The following CEL variants were observed in gnomAD, a reference collection of about 807,000 sequenced individuals.
The protein encoded by CEL is carboxyl ester lipase, also known as bile salt-activated lipase.
In CEL, 39 loss-of-function variants were observed where a neutral mutation model predicts 57.1. That is an observed-to-expected ratio of 0.68 (90% CI 0.53 to 0.89). The LOEUF (loss-of-function observed/expected upper bound fraction) is 0.89. CEL is among the 40% of genes least tolerant of loss of function. The pLI, the probability that CEL is intolerant of heterozygous loss-of-function variation, is 0.00. For synonymous variants in CEL, 314 were observed against 396.6 expected (o/e 0.79, Z 2.48); for missense variants, 698 against 915.0 (o/e 0.76, Z 3.06).
rs1830186302 is a variant in CEL at position 133,066,905 on chromosome 9, C to G, written c.737C>G (p.Pro246Arg). 1 of 1,603,308 alleles carries G rather than the reference C, an allele frequency of 6.2e-7. No homozygotes were observed. Among genetic ancestry groups the G allele is most frequent in the Non-Finnish European group, 8.5e-7 (1 of 1,174,540 alleles). ...AISQSGVALS[P>R]WVIQKNPLFW... is the part of the protein sequence containing the mutation. ...AGCCAGAGCGGCGTGGCCCTGAGTC[C>G]CTGGGTCATCCAGAAAAACCCACTC... is the stretch of plus-strand genomic sequence containing the variant. Residue 246 changes from proline to arginine, a missense_variant, in exon 6 of 11, where the codon CCC becomes CGC. Coordinates refer to ENST00000372080, the MANE Select transcript of CEL (RefSeq NM_001807.6). This position sits in a 1 kb window ranked among gnomAD's most constrained non-coding sequence, Gnocchi z 4.3.
rs750593486 is a variant in CEL at position 133,071,757 on chromosome 9, G to A, written c.2255G>A (p.Arg752Lys). ...SKEAQMPAVI[R>K]F Reference sequence around the variant, plus strand: ...GAAGCTCAGATGCCTGCAGTCATTAGGTTTTAGCGTCCCATGAGCCTTGGT... The same window carrying A: ...GAAGCTCAGATGCCTGCAGTCATTAAGTTTTAGCGTCCCATGAGCCTTGGT... The change falls in exon 11 of 11, where the codon AGG becomes AAG. Residue 752 changes from arginine (R) to lysine (K), a missense_variant. Transcript: ENST00000372080. 1 of 1,612,236 alleles carries A rather than the reference G, an allele frequency of 6.2e-7. No individual in the cohort carries two copies. The highest frequency in any genetic ancestry group is 8.5e-7 in the Non-Finnish European group (1 of 1,179,330).
chr9:133,066,670 T>A lies in CEL; in HGVS notation c.669+10T>A. On this transcript the variant is annotated intron_variant, in intron 5 of 10. Coordinates refer to ENST00000372080, the MANE Select transcript of CEL (RefSeq NM_001807.6). This position sits in a 1 kb window ranked among gnomAD's most constrained non-coding sequence, Gnocchi z 4.3. ...CAGCGTCTCTCTGCAGGTCTCGGGA[T>A]CCCTGTGGGGAGGGCCTGCCCCACA... 6.2e-7 allele frequency: 1 copy of A among 1,611,990 alleles called. No homozygotes were observed. The highest frequency in any genetic ancestry group is 8.5e-7 in the Non-Finnish European group (1 of 1,179,032).
rs1165973941 is a variant in CEL, at chr9:133,070,943, C to A, written c.1485-44C>A. 4 of 1,606,586 alleles carry A rather than the reference C, an allele frequency of 2.5e-6. No individual in the cohort carries two copies. The African/African-American group carries it at 5.4e-5, about 22-fold the overall frequency. ...CAGGTGGAGAGCAGGGCTTCAGCCC[C>A]CTGGGAGTCCCCAGCCCCTGCACAG... On this transcript the variant is annotated intron_variant, in intron 10 of 10. Coordinates refer to ENST00000372080, the MANE Select transcript of CEL (RefSeq NM_001807.6).
rs1417669823 is a variant in CEL, at chr9:133,066,099, A to C, written c.539-431A>C. Among the ~76,000 whole-genome samples, 1 of 152,162 alleles carries C rather than the reference A, an allele frequency of 6.6e-6. No homozygotes were observed. The highest frequency in any genetic ancestry group is 1.5e-5 in the Non-Finnish European group (1 of 68,020). On this transcript the variant is annotated intron_variant, in intron 4 of 10. Transcript: ENST00000372080. This position sits in a 1 kb window ranked among gnomAD's most constrained non-coding sequence, Gnocchi z 4.3. ...AACCAGGAGAGCAGAGCTGAGTGAGAGACAGAGAACAATACCTTGAGGCAG... is the reference window on the plus strand; with the variant it reads ...AACCAGGAGAGCAGAGCTGAGTGAGCGACAGAGAACAATACCTTGAGGCAG...
intron 10 of CEL, 91 bp downstream of exon 10, chr9:133,070,749 A>G: frequency 1.3e-6 from 2 of 1,557,804 alleles, no homozygotes; most frequent in Admixed American, 3.4e-5. Context: ...CAGTGGAGGG[A>G]CTTTGGGCAA....
At position 133,066,704 on chromosome 9, in the gene CEL, G is replaced by A; in HGVS notation, c.669+44G>A. 1 of 1,609,386 alleles carries A rather than the reference G, an allele frequency of 6.2e-7. No homozygotes were observed. The highest frequency in any genetic ancestry group is 8.5e-7 in the Non-Finnish European group (1 of 1,176,792). On this transcript the variant is annotated intron_variant, in intron 5 of 10. Coordinates refer to ENST00000372080, the MANE Select transcript of CEL (RefSeq NM_001807.6). This position sits in a 1 kb window ranked among gnomAD's most constrained non-coding sequence, Gnocchi z 4.3. The stretch of plus-strand genomic sequence containing the variant: ...GGAGGGCCTGCCCCACAGGTTGAGA[G>A]GAAGCTCAAACGGGAAGGGGAGGGT...
chr9:133,065,306 A>T, intron 4 of CEL, 69 bp downstream of exon 4: 1 of 1,555,162 alleles, frequency 6.4e-7, no homozygotes, highest in South Asian at 1.1e-5. Flanking sequence ...GATTTTCCTC[A>T]GCACCCCTCA....
chr9:133,065,268 G>A (rs1223941726), intron 4 of CEL, 31 bp downstream of exon 4: 35 of 1,607,400 alleles, frequency 2.2e-5, no homozygotes, highest in Non-Finnish European at 2.8e-5. Flanking sequence ...CTGAGGTGGG[G>A]CGACCAGCAT....
At chr9:133,067,800 A>T (rs1830204574) in intron 7 of CEL, among the ~76,000 whole-genome samples, 1 of 152,168 alleles carries the variant, frequency 6.6e-6, no homozygotes. Flanking sequence ...GGAGACTCAT[A>T]GACCTCAGAC....
intron 1 of CEL, among the ~76,000 whole-genome samples, chr9:133,063,355 T>C (rs1830122239): frequency 6.6e-6 from 1 of 152,190 alleles, no homozygotes; most frequent in African/African-American, 2.4e-5. Flanking sequence ...TCGCAGGGGA[T>C]GCCCACGATG....
intron 9 of CEL, among the ~76,000 whole-genome samples, chr9:133,070,131 C>A (rs1274352063): frequency 3.3e-5 from 5 of 150,120 alleles, no homozygotes; most frequent in Admixed American, 6.7e-5. Context: ...AAAAGGGAAA[C>A]AGTTGAGGGC....
chr9:133,070,480 T>C lies in CEL; in HGVS notation c.1306T>C (p.Tyr436His), dbSNP rs1830241886. The C allele has an allele frequency of 6.2e-7, 1 of 1,613,488 alleles. No individual in the cohort carries two copies. Among genetic ancestry groups the C allele is most frequent in the African/African-American group, 1.3e-5 (1 of 74,718 alleles). ...ANAKSAKTYAYLFSHPSRMPV... is the reference protein window; with the variant it reads ...ANAKSAKTYAHLFSHPSRMPV... ...CTCCAGGAGTGCCAAGACCTACGCC[T>C]ACCTGTTTTCCCATCCCTCTCGGAT... is the stretch of plus-strand genomic sequence containing the variant. The change falls in exon 10 of 11, where the codon TAC (tyrosine) becomes CAC (histidine). Residue 436 changes from tyrosine (Y) to histidine (H), a missense_variant. By Grantham distance (83) the Tyr-to-His change is moderately conservative. Transcript: ENST00000372080.
In CEL at chr9:133,065,238, G is replaced by T; in HGVS notation, c.538+1G>T. The T allele has an allele frequency of 6.2e-7, 1 of 1,612,554 alleles. No homozygotes were observed. The highest frequency in any genetic ancestry group is 8.5e-7 in the Non-Finnish European group (1 of 1,179,972). The stretch of plus-strand genomic sequence containing the variant: ...AGCACTGGGGACGCCAATCTGCCAG[G>T]TGCGTGGGTGCCTTCGGCCCTGAGG... On this transcript the variant is annotated splice_donor_variant, in intron 4 of 10. Transcript: ENST00000372080. LOFTEE classifies it high-confidence loss of function.
In CEL at chr9:133,067,157, C is replaced by T; in HGVS notation, c.847C>T (p.Pro283Ser). The T allele has an allele frequency of 6.2e-7, 1 of 1,614,020 alleles. No individual in the cohort carries two copies. Among genetic ancestry groups the T allele is most frequent in the Non-Finnish European group, 8.5e-7 (1 of 1,179,974 alleles). ...GGCCCAGTGTCTGAAGGTTACTGAT[C>T]CCCGAGCCCTGACGCTGGCCTATAA... is the stretch of plus-strand genomic sequence containing the variant. ...RMAQCLKVTD[P>S]RALTLAYKVP... is the part of the protein sequence containing the mutation. The change falls in exon 7 of 11, where the codon CCC becomes TCC. Residue 283 changes from proline to serine, a missense_variant. Around this residue, in one of 6 missense-constraint regions of CEL, gnomAD observed 327 missense variants for 374.1 expected, o/e 0.87. Coordinates refer to ENST00000372080, the MANE Select transcript of CEL (RefSeq NM_001807.6).
Position 133,066,520 on chromosome 9 carries a change from C to G in CEL, c.539-10C>G. 6.2e-7 allele frequency: 1 copy of G among 1,614,008 alleles called. No individual in the cohort carries two copies. Among genetic ancestry groups the G allele is most frequent in the Non-Finnish European group, 8.5e-7 (1 of 1,180,018 alleles). On this transcript the variant is annotated splice_polypyrimidine_tract_variant and intron_variant, in intron 4 of 10. Coordinates refer to ENST00000372080, the MANE Select transcript of CEL (RefSeq NM_001807.6). This position sits in a 1 kb window ranked among gnomAD's most constrained non-coding sequence, Gnocchi z 4.3. The stretch of plus-strand genomic sequence containing the variant: ...GGTCTCTAGCACCCCCTCCCCTGCC[C>G]TGCCCCCAGGTAACTATGGCCTTCG...
In CEL at chr9:133,070,989, A is replaced by G; in HGVS notation, c.1487A>G (p.Asp496Gly). The stretch of plus-strand genomic sequence containing the variant: ...CACAGCCTCTTCTCACTCTGCAGGG[A>G]CCCCAACATGGGCGACTCGGCTGTG... ...AYWTNFAKTG[D>G]PNMGDSAVPT... The change falls in exon 11 of 11, where the codon GAC (aspartate) becomes GGC (glycine). Residue 496 changes from aspartate to glycine, a missense_variant and splice_region_variant. By Grantham distance (94) the Asp-to-Gly change is moderately conservative. Around this residue, in one of 6 missense-constraint regions of CEL, gnomAD observed 111 missense variants for 147.3 expected, o/e 0.75. Transcript: ENST00000372080. 1 of 1,613,360 alleles carries G rather than the reference A, an allele frequency of 6.2e-7. No individual in the cohort carries two copies. The highest frequency in any genetic ancestry group is 8.5e-7 in the Non-Finnish European group (1 of 1,179,762).
chr9:133,070,301 C>T (rs1168364423), intron 9 of CEL, among the ~76,000 whole-genome samples, 160 bp from the exon 10 acceptor site: 1 of 147,792 alleles, frequency 6.8e-6, no homozygotes, highest in African/African-American at 2.5e-5. Context: ...GAATTTGGTT[C>T]TCAGCTTTCC....
Position 133,065,225 on chromosome 9 carries a change from G to A in CEL, c.526G>A (p.Ala176Thr), listed in dbSNP as rs746372103. The A allele has an allele frequency of 6.8e-6, 11 of 1,612,948 alleles. No homozygotes were observed. Among genetic ancestry groups the A allele is most frequent in the Admixed American group, 1.7e-5 (1 of 60,014 alleles). The change falls in exon 4 of 11, where the codon GCC becomes ACC. Residue 176 changes from alanine (A) to threonine (T), a missense_variant. Ala to Thr is a moderately conservative substitution (Grantham distance 58, BLOSUM62 0). Transcript: ENST00000372080. ...CCTTGGGTTCCTCAGCACTGGGGACGCCAATCTGCCAGGTGCGTGGGTGCC... is the reference window on the plus strand; with the variant it reads ...CCTTGGGTTCCTCAGCACTGGGGACACCAATCTGCCAGGTGCGTGGGTGCC... Reference protein sequence around the residue: ...GPLGFLSTGDANLPGNYGLRD... With the variant: ...GPLGFLSTGDTNLPGNYGLRD...
At chr9:133,065,436 G>A (rs1219664513) in intron 4 of CEL, among the ~76,000 whole-genome samples, 199 bp downstream of exon 4, 3 of 152,208 alleles carry the variant, frequency 2.0e-5, no homozygotes, top group African/African-American at 7.2e-5. Flanking sequence ...GGGAGAGATG[G>A]CTCACGCCTG....
Sources: gnomAD v4.1 joint callset for allele counts (sites outside exome capture counted in the v4.1 genomes callset) on GRCh38, gnomAD v4.1.1 for gene constraint, gnomAD v4.1.1 regional missense constraint, Gnocchi (gnomAD v3.1) non-coding constraint, MANE v1.5 for transcripts, NCBI Gene and HGNC (gene_info 2026-07-23, HGNC 2026-07-21) for gene names.